Variants in ZNF423 observed in about 807,000 individuals in gnomAD.
ZNF423 encodes the protein Ebf-associated zinc finger protein.
In ZNF423, 12 loss-of-function variants were observed where a neutral mutation model predicts 95.8. The ratio of observed to expected loss-of-function variants is 0.13; its 90% CI spans 0.08 to 0.20. The LOEUF (loss-of-function observed/expected upper bound fraction) is 0.20, where lower values mean the gene tolerates loss of function less well. ZNF423 is among the 10% of genes least tolerant of loss of function. The probability of loss-of-function intolerance (pLI) is 1.00; values close to 1 mark genes in which losing one functional copy is unlikely to be tolerated. For missense variants in ZNF423, 1,316 were observed against 1,737.1 expected (o/e 0.76, Z 4.31); for synonymous variants, 749 against 711.9 (o/e 1.05, Z -0.83).
intron 3 of ZNF423, among the ~76,000 whole-genome samples, chr16:49,676,758 T>C (rs990438969): frequency 1.5e-4 from 23 of 152,194 alleles, no homozygotes; most frequent in African/African-American, 5.3e-4. Context: ...CAACTGACCT[T>C]CTAACTCATG....
intron 5 of ZNF423, among the ~76,000 whole-genome samples, chr16:49,602,215 G>A (rs1306121081): frequency 1.3e-5 from 2 of 152,336 alleles, no homozygotes; most frequent in East Asian, 3.9e-4. Context: ...CGCCAGGAAG[G>A]CCTCCTGACT....
At chr16:49,728,115 T>C (rs536434419) in intron 3 of ZNF423, among the ~76,000 whole-genome samples, 1 of 152,078 alleles carries the variant, frequency 6.6e-6, no homozygotes, top group African/African-American at 2.4e-5. Flanking sequence ...CACCACACCA[T>C]AGCCCCAGAG....
intron 3 of ZNF423, among the ~76,000 whole-genome samples, chr16:49,676,807 C>T (rs376782340): frequency 3.3e-5 from 5 of 152,186 alleles, no homozygotes; most frequent in East Asian, 1.9e-4. Flanking sequence ...GAGCAAAGGA[C>T]GTGAGAAGGA....
At chr16:49,765,925 A>C (rs2033921247) in intron 2 of ZNF423, among the ~76,000 whole-genome samples, 1 of 152,138 alleles carries the variant, frequency 6.6e-6, no homozygotes, top group Non-Finnish European at 1.5e-5. Flanking sequence ...GGCCTAGGCG[A>C]CGGGGAATGG....
intron 3 of ZNF423, among the ~76,000 whole-genome samples, chr16:49,650,091 C>G (rs1973343263): frequency 6.6e-6 from 1 of 152,232 alleles, no homozygotes; most frequent in Non-Finnish European, 1.5e-5. Context: ...ACTGACCAGG[C>G]CTGCCCTTCT....
In ZNF423 at chr16:49,489,662, C is replaced by A. The variant is rs73578407; in HGVS notation, c.*1613G>T. On this transcript the variant is annotated 3_prime_UTR_variant, in exon 8 of 8. Transcript: ENST00000563137. ...GGGTATAATTGCTCCAAATTCCACA[C>A]CCGTGACTTAGTATTACATTATAAT... The A allele has an allele frequency of 3.3e-5, 5 of 152,214 alleles. No homozygotes were observed. The highest frequency in any genetic ancestry group is 7.3e-5 in the Non-Finnish European group (5 of 68,050). 9.4% of individuals were successfully genotyped at this position (152,214 alleles called of 1,614,324 possible).
rs949940280 is a variant in ZNF423 at position 49,812,358 on chromosome 16, A to G, written c.41-22812T>C. Among the ~76,000 whole-genome samples the G allele has an allele frequency of 2.6e-5, 4 of 152,272 alleles. No individual in the cohort carries two copies. In the South Asian group the frequency reaches 8.3e-4, roughly 32 times the overall value. Reference sequence around the variant, plus strand: ...ACAGGCACCTGCTGCCTGGCTGGCTATGAGAGGGGAGAGAGGGCATAGTCA... The same window carrying G: ...ACAGGCACCTGCTGCCTGGCTGGCTGTGAGAGGGGAGAGAGGGCATAGTCA... On this transcript the variant is annotated intron_variant, in intron 1 of 7. Coordinates refer to ENST00000563137, the MANE Select transcript of ZNF423 (RefSeq NM_001379286.1).
chr16:49,794,216 TTTTG>T (rs1280703088), intron 1 of ZNF423, among the ~76,000 whole-genome samples: 1 of 141,146 alleles, frequency 7.1e-6, no homozygotes, highest in Admixed American at 7.4e-5. Context: ...TTGTAGTTTT[TTTTG>T]TTTGTTTTTG....
chr16:49,739,064 A>G (rs1207884215), intron 2 of ZNF423, among the ~76,000 whole-genome samples: 1 of 152,050 alleles, frequency 6.6e-6, no homozygotes, highest in Non-Finnish European at 1.5e-5. Flanking sequence ...GAAAAGAATC[A>G]CAGGCTCTGA....
At chr16:49,699,422 A>G (rs1434428605) in intron 3 of ZNF423, among the ~76,000 whole-genome samples, 1 of 152,194 alleles carries the variant, frequency 6.6e-6, no homozygotes, top group Non-Finnish European at 1.5e-5. Context: ...TCACTGCTCC[A>G]CGGAAGCTTT....
At chr16:49,692,269 T>C (rs947885848) in intron 3 of ZNF423, among the ~76,000 whole-genome samples, 1 of 152,130 alleles carries the variant, frequency 6.6e-6, no homozygotes, top group Non-Finnish European at 1.5e-5. Flanking sequence ...CCATTTCTTA[T>C]GCAGAGCACT....
intron 7 of ZNF423, among the ~76,000 whole-genome samples, chr16:49,520,495 A>T (rs1968352768): frequency 6.6e-6 from 1 of 152,190 alleles, no homozygotes; most frequent in Admixed American, 6.5e-5. Flanking sequence ...CTAAACTTCT[A>T]TTCCTGCAGC....
chr16:49,640,148 G>A (rs1283418673), intron 3 of ZNF423, among the ~76,000 whole-genome samples: 1 of 152,164 alleles, frequency 6.6e-6, no homozygotes, highest in Non-Finnish European at 1.5e-5. Flanking sequence ...CAGCCTGGCT[G>A]AGTCTTCAGA....
intron 1 of ZNF423, among the ~76,000 whole-genome samples, chr16:49,851,976 T>C (rs1376834317): frequency 2.0e-5 from 3 of 152,206 alleles, no homozygotes; most frequent in African/African-American, 7.2e-5. Context: ...TGTTTTGCCC[T>C]TCCTACAAGA....
intron 3 of ZNF423, among the ~76,000 whole-genome samples, chr16:49,662,202 C>G (rs111482758): frequency 6.6e-6 from 1 of 152,188 alleles, no homozygotes; most frequent in African/African-American, 2.4e-5. Context: ...GCCAGTCCCC[C>G]TGAAGGGCTC....
intron 3 of ZNF423, among the ~76,000 whole-genome samples, chr16:49,662,816 A>C (rs1428012995): frequency 6.6e-6 from 1 of 152,206 alleles, no homozygotes; most frequent in African/African-American, 2.4e-5. Context: ...AGGTGCAAGC[A>C]CCCCAAAGCC....
At chr16:49,713,799 C>A (rs1031590130) in intron 3 of ZNF423, among the ~76,000 whole-genome samples, 1 of 152,210 alleles carries the variant, frequency 6.6e-6, no homozygotes, top group Admixed American at 6.5e-5. Flanking sequence ...AAGATGCCAT[C>A]CGTGAGACTG....
At chr16:49,641,210 A>G (rs941998758) in intron 3 of ZNF423, among the ~76,000 whole-genome samples, 3 of 152,226 alleles carry the variant, frequency 2.0e-5, no homozygotes, top group Admixed American at 2.0e-4. Context: ...CTGGGAAATG[A>G]CAGTGCCAGA....
chr16:49,526,623 A>AG (rs970692291), intron 5 of ZNF423, among the ~76,000 whole-genome samples: 6 of 152,160 alleles, frequency 3.9e-5, no homozygotes, highest in Admixed American at 6.5e-5. Flanking sequence ...AGAGGGGCCC[A>AG]GGGGTCAGTG....
Sources: gnomAD v4.1 joint callset for allele counts (sites outside exome capture counted in the v4.1 genomes callset) on GRCh38, gnomAD v4.1.1 for gene constraint, MANE v1.5 for transcripts, NCBI Gene and HGNC (gene_info 2026-07-23, HGNC 2026-07-21) for gene names.